The following TNNI3K variants were observed in gnomAD, a reference collection of about 807,000 sequenced individuals.
The protein encoded by TNNI3K is TNNI3 interacting kinase.
In TNNI3K, 140 loss-of-function variants were observed where a neutral mutation model predicts 114.5. The ratio of observed to expected loss-of-function variants is 1.22; its 90% CI spans 1.07 to 1.41. TNNI3K has a LOEUF of 1.41. TNNI3K is among the 40% of genes most tolerant of loss of function. The pLI is 0.00. For synonymous variants in TNNI3K, 347 were observed against 347.5 expected, an observed-to-expected ratio of 1.00 and a Z score of 0.02; for missense variants, 1,125 against 1,007.6, an observed-to-expected ratio of 1.12 and a Z score of -1.58.
rs541549052 is a variant in TNNI3K at position 74,386,852 on chromosome 1, A to G, written c.1772+16460A>G. Reference sequence around the variant, plus strand: ...TAAATTAAATCATCCCTTGATGACTATAAATGACTCACAGAAATATAGTTT... The same window carrying G: ...TAAATTAAATCATCCCTTGATGACTGTAAATGACTCACAGAAATATAGTTT... On this transcript the variant is annotated intron_variant, in intron 17 of 24. Transcript: ENST00000326637. Among the ~76,000 whole-genome samples, 5 of 152,312 alleles carry G rather than the reference A, an allele frequency of 3.3e-5. No homozygotes were observed. The East Asian group carries it at 7.7e-4, about 23-fold the overall frequency.
intron 5 of TNNI3K, among the ~76,000 whole-genome samples, chr1:74,275,376 C>T (rs367622472): frequency 4.0e-4 from 61 of 152,148 alleles, no homozygotes; most frequent in South Asian, 8.3e-4. Context: ...TTCACTGCCA[C>T]GAGAACAGTA....
At chr1:74,516,002 A>G (rs1646342826) in intron 23 of TNNI3K, among the ~76,000 whole-genome samples, 1 of 152,210 alleles carries the variant, frequency 6.6e-6, no homozygotes, top group Admixed American at 6.5e-5. Context: ...AGAGAGTAGT[A>G]CTGATGTCTT....
chr1:74,250,087 A>G (rs1012189392), intron 3 of TNNI3K, among the ~76,000 whole-genome samples: 1 of 152,216 alleles, frequency 6.6e-6, no homozygotes, highest in Non-Finnish European at 1.5e-5. Flanking sequence ...TTAATGAATG[A>G]ACCATTAATA....
chr1:74,293,793 A>G (rs1036416048), intron 5 of TNNI3K, among the ~76,000 whole-genome samples: 1 of 151,764 alleles, frequency 6.6e-6, no homozygotes, highest in Non-Finnish European at 1.5e-5. Flanking sequence ...AGCATTAGCT[A>G]TAGAGTTTCT....
intron 20 of TNNI3K, among the ~76,000 whole-genome samples, chr1:74,462,287 G>A (rs1667485219): frequency 6.6e-6 from 1 of 152,150 alleles, no homozygotes. Context: ...AGTAAATTTT[G>A]GTAGAGTAGA....
chr1:74,253,625 G>C (rs183030706), intron 4 of TNNI3K, among the ~76,000 whole-genome samples: 1 of 152,040 alleles, frequency 6.6e-6, no homozygotes, highest in Non-Finnish European at 1.5e-5. Context: ...AGGACTGGCC[G>C]GCCGCTCGGA....
intron 7 of TNNI3K, among the ~76,000 whole-genome samples, chr1:74,339,500 T>C (rs1468558556): frequency 6.6e-6 from 1 of 152,050 alleles, no homozygotes; most frequent in Non-Finnish European, 1.5e-5. Flanking sequence ...TTGTGGTAAA[T>C]GGACATAGGA....
intron 20 of TNNI3K, among the ~76,000 whole-genome samples, chr1:74,456,139 T>C (rs1465534505): frequency 6.6e-6 from 1 of 152,162 alleles, no homozygotes; most frequent in Non-Finnish European, 1.5e-5. Flanking sequence ...GAAATATCTA[T>C]TACGTTAACT....
At chr1:74,341,719 C>CATGT in intron 7 of TNNI3K, 1 of 152,254 alleles carries the variant, frequency 6.6e-6, no homozygotes, top group East Asian at 1.9e-4. Context: ...GGAACAACAT[C>CATGT]CAGAATCATG....
At position 74,530,541 on chromosome 1, in the gene TNNI3K, T is replaced by C. The variant is rs933198307; in HGVS notation, c.2352-9693T>C. On this transcript the variant is annotated intron_variant, in intron 23 of 24. Transcript: ENST00000326637. ...AAAAATAAAAATAAAAATCATCAAA[T>C]AGAACTAGAAGATCAGAATTCTAGG... 2.6e-5 allele frequency among the ~76,000 whole-genome samples: 4 copies of C among 152,234 alleles called. No homozygotes were observed. In the East Asian group the frequency reaches 7.7e-4, roughly 29 times the overall value.
intron 17 of TNNI3K, among the ~76,000 whole-genome samples, chr1:74,424,098 G>A (rs1665519837): frequency 6.6e-6 from 1 of 152,038 alleles, no homozygotes; most frequent in Non-Finnish European, 1.5e-5. Flanking sequence ...AGAATTGTTA[G>A]GACATGGTGA....
intron 11 of TNNI3K, among the ~76,000 whole-genome samples, chr1:74,362,383 G>A (rs1167723464): frequency 1.3e-5 from 2 of 152,208 alleles, no homozygotes; most frequent in African/African-American, 2.4e-5. Context: ...CTGTAACTGA[G>A]ACTAAATCTC....
chr1:74,376,282 AC>A (rs955256000), intron 17 of TNNI3K, among the ~76,000 whole-genome samples: 1 of 152,046 alleles, frequency 6.6e-6, no homozygotes, highest in Admixed American at 6.6e-5. Flanking sequence ...TGTAAAAAAA[AC>A]ACAACAATTA....
chr1:74,530,033 C>G (rs947882935), intron 23 of TNNI3K, among the ~76,000 whole-genome samples: 1 of 152,172 alleles, frequency 6.6e-6, no homozygotes, highest in Non-Finnish European at 1.5e-5. Context: ...GGTAGGATCA[C>G]AGCTCACTGC....
At chr1:74,480,827 A>G (rs1332382098) in intron 21 of TNNI3K, 1 of 717,588 alleles carries the variant, frequency 1.4e-6, no homozygotes, top group East Asian at 2.7e-5. Context: ...AAGCCCATGC[A>G]GGGCATCTTC....
At chr1:74,290,029 C>T (rs912191288) in intron 5 of TNNI3K, among the ~76,000 whole-genome samples, 2 of 151,690 alleles carry the variant, frequency 1.3e-5, no homozygotes, top group Non-Finnish European at 3.0e-5. Context: ...TCAATAGTTG[C>T]TTCTAACTTT....
At chr1:74,375,421 G>GTAGTGT in intron 17 of TNNI3K, 1 of 369,122 alleles carries the variant, frequency 2.7e-6, no homozygotes. Context: ...ACCTTCATAG[G>GTAGTGT]ACTAACAAAT....
intron 11 of TNNI3K, among the ~76,000 whole-genome samples, chr1:74,355,861 G>C (rs1330742478): frequency 2.6e-5 from 4 of 152,220 alleles, no homozygotes; most frequent in East Asian, 3.9e-4. Flanking sequence ...TAGGCTTGCT[G>C]TATTTTGGTG....
At chr1:74,397,245 A>G (rs1664133568) in intron 17 of TNNI3K, among the ~76,000 whole-genome samples, 1 of 152,112 alleles carries the variant, frequency 6.6e-6, no homozygotes, top group Admixed American at 6.5e-5. Context: ...GAAAGACTGA[A>G]AAAGACAGAA....
Sources: gnomAD v4.1 joint callset for allele counts (sites outside exome capture counted in the v4.1 genomes callset) on GRCh38, gnomAD v4.1.1 for gene constraint, MANE v1.5 for transcripts, NCBI Gene and HGNC (gene_info 2026-07-23, HGNC 2026-07-21) for gene names.